RASAL2: variants seen among roughly 807,000 people sequenced by gnomAD.
RASAL2 encodes the protein RAS protein activator like 2.
RASAL2 carries 58 observed loss-of-function variants against 128.9 expected under a neutral mutation model. The ratio of observed to expected loss-of-function variants is 0.45; its 90% CI spans 0.36 to 0.56. The LOEUF is 0.56. Among genes scored for constraint, RASAL2 ranks in the 20% least tolerant of loss-of-function variants. The pLI is 0.00. For synonymous variants in RASAL2, 561 were observed against 580.8 expected, an observed-to-expected ratio of 0.97 and a Z score of 0.49; for missense variants, 1,360 against 1,601.6, an observed-to-expected ratio of 0.85 and a Z score of 2.57.
intron 1 of RASAL2, among the ~76,000 whole-genome samples, chr1:178,168,766 G>A (rs192563335): frequency 7.9e-5 from 12 of 152,188 alleles, no homozygotes; most frequent in African/African-American, 2.6e-4. Flanking sequence ...GAGTCACACA[G>A]CATGAACTCT....
chr1:178,311,568 T>G (rs1668253967), intron 3 of RASAL2, among the ~76,000 whole-genome samples: 1 of 151,982 alleles, frequency 6.6e-6, no homozygotes, highest in Admixed American at 6.6e-5. Context: ...CAAGTATCTT[T>G]GGATTGGGAG....
At chr1:178,136,782 A>G (rs1420730081) in intron 1 of RASAL2, among the ~76,000 whole-genome samples, 1 of 148,578 alleles carries the variant, frequency 6.7e-6, no homozygotes, top group Non-Finnish European at 1.5e-5. Context: ...AAAAAAAAAA[A>G]AAAAGATGAA....
At chr1:178,247,649 A>T (rs558903634) in intron 1 of RASAL2, among the ~76,000 whole-genome samples, 1 of 151,810 alleles carries the variant, frequency 6.6e-6, no homozygotes, top group Non-Finnish European at 1.5e-5. Context: ...TAGTTCTTTT[A>T]AGTGTGATGT....
At chr1:178,428,581 A>G (rs1384883262) in intron 5 of RASAL2, among the ~76,000 whole-genome samples, 1 of 151,526 alleles carries the variant, frequency 6.6e-6, no homozygotes, top group Non-Finnish European at 1.5e-5. Context: ...TATTCTACAT[A>G]TATATTGAAT....
chr1:178,194,398 A>C (rs1662590969), intron 1 of RASAL2: 1 of 222,578 alleles, frequency 4.5e-6, no homozygotes, highest in African/African-American at 2.3e-5. Context: ...GGCATCTCTT[A>C]GCATGGATAG....
intron 1 of RASAL2, among the ~76,000 whole-genome samples, chr1:178,115,197 T>C (rs1386666998): frequency 1.3e-5 from 2 of 152,216 alleles, no homozygotes. Flanking sequence ...ATTTGTTTCT[T>C]CTTGAGTGTG....
chr1:178,343,473 T>C (rs77105804), intron 3 of RASAL2, among the ~76,000 whole-genome samples: 1 of 152,330 alleles, frequency 6.6e-6, no homozygotes, highest in Non-Finnish European at 1.5e-5. Flanking sequence ...TCTGAGCTTT[T>C]ATCCTGCTTT....
chr1:178,405,212 A>C (rs1358517623), intron 4 of RASAL2, among the ~76,000 whole-genome samples: 1 of 152,234 alleles, frequency 6.6e-6, no homozygotes, highest in African/African-American at 2.4e-5. Context: ...ACCTGAAGAT[A>C]CATTTCCACC....
intron 14 of RASAL2, among the ~76,000 whole-genome samples, chr1:178,460,971 G>A (rs1243856359): frequency 6.6e-6 from 1 of 151,852 alleles, no homozygotes; most frequent in African/African-American, 2.4e-5. Context: ...CCACCACCAC[G>A]CCTGGCTAAT....
intron 1 of RASAL2, among the ~76,000 whole-genome samples, chr1:178,281,658 A>G (rs1347124613): frequency 3.3e-5 from 5 of 152,158 alleles, no homozygotes; most frequent in African/African-American, 1.2e-4. Flanking sequence ...TAATAAAGCT[A>G]GTTATTTGAA....
chr1:178,278,486 T>G (rs1666630324), intron 1 of RASAL2, among the ~76,000 whole-genome samples: 1 of 152,162 alleles, frequency 6.6e-6, no homozygotes. Context: ...CTTTCTCCTC[T>G]CAATAGGTTC....
intron 11 of RASAL2, among the ~76,000 whole-genome samples, chr1:178,453,783 T>A (rs1446951340): frequency 6.6e-6 from 1 of 152,110 alleles, no homozygotes; most frequent in Non-Finnish European, 1.5e-5. Flanking sequence ...AAAGACAAGT[T>A]TCTGTTAGCA....
At chr1:178,270,050 A>G (rs1407879412) in intron 1 of RASAL2, among the ~76,000 whole-genome samples, 5 of 152,176 alleles carry the variant, frequency 3.3e-5, no homozygotes, top group African/African-American at 1.2e-4. Context: ...GTGAATAATA[A>G]TCTAGGTTAG....
At chr1:178,208,952 G>A (rs572796721) in intron 1 of RASAL2, among the ~76,000 whole-genome samples, 1 of 152,016 alleles carries the variant, frequency 6.6e-6, no homozygotes, top group East Asian at 1.9e-4. Flanking sequence ...TTGGGGGCAG[G>A]TTCCTCTGAT....
At chr1:178,108,421 G>C (rs1558056999) in intron 1 of RASAL2, among the ~76,000 whole-genome samples, 1 of 152,176 alleles carries the variant, frequency 6.6e-6, no homozygotes, top group African/African-American at 2.4e-5. Flanking sequence ...AACTTGTTGA[G>C]TGTTTGCTGT....
At chr1:178,150,264 G>A (rs1404012585) in intron 1 of RASAL2, among the ~76,000 whole-genome samples, 2 of 152,002 alleles carry the variant, frequency 1.3e-5, no homozygotes, top group South Asian at 2.1e-4. Context: ...GCATGATCTC[G>A]GTGCACCGCA....
At chr1:178,107,123 A>T (rs1659119604) in intron 1 of RASAL2, among the ~76,000 whole-genome samples, 2 of 152,144 alleles carry the variant, frequency 1.3e-5, no homozygotes, top group South Asian at 4.1e-4. Flanking sequence ...TCTCCATTTT[A>T]TCAGGGAAAT....
intron 5 of RASAL2, among the ~76,000 whole-genome samples, chr1:178,427,786 T>C (rs1437404067): frequency 6.6e-6 from 1 of 152,060 alleles, no homozygotes; most frequent in Non-Finnish European, 1.5e-5. Context: ...ATGCATTCAT[T>C]TGTGCATGTG....
At chr1:178,311,253 A>AACAC (rs67243509) in intron 3 of RASAL2, among the ~76,000 whole-genome samples, 25,562 of 143,520 alleles carry the variant, frequency 0.18, 2,376 homozygotes, top group African/African-American at 0.24. Context: ...CACACACACA[A>AACAC]ACACACACAC....
Sources: gnomAD v4.1 joint callset for allele counts (sites outside exome capture counted in the v4.1 genomes callset) on GRCh38, gnomAD v4.1.1 for gene constraint, MANE v1.5 for transcripts, NCBI Gene and HGNC (gene_info 2026-07-23, HGNC 2026-07-21) for gene names.